Variants in UNC13C observed in about 807,000 individuals in gnomAD.
UNC13C encodes the protein protein unc-13 homolog C.
A neutral mutation model predicts 245.4 loss-of-function variants in UNC13C; 174 were observed. The observed-to-expected ratio is 0.71, with a 90% CI of 0.63 to 0.80. UNC13C has a LOEUF of 0.80. Ranked by LOEUF, UNC13C falls within the 30% of genes least tolerant of loss-of-function variation. The pLI, the probability that UNC13C is intolerant of heterozygous loss-of-function variation, is 0.00. For synonymous variants in UNC13C, 992 were observed against 895.1 expected (o/e 1.11, Z -1.93); for missense variants, 2,829 against 2,602.9 (o/e 1.09, Z -1.89).
chr15:54,147,220 CTTT>C (rs5812743), intron 4 of UNC13C, among the ~76,000 whole-genome samples: 16 of 130,606 alleles, frequency 1.2e-4, no homozygotes, highest in Non-Finnish European at 1.9e-4. Flanking sequence ...ATGAAACTAC[CTTT>C]TTTTTTTTTT....
rs138405335 is a variant in UNC13C at position 54,280,262 on chromosome 15, T to A, written c.3819-13633T>A. ...TTAAATAAATTAGGACACAGTAATATAATGAAATACAATATACTTATTAAA... is the reference window on the plus strand; with the variant it reads ...TTAAATAAATTAGGACACAGTAATAAAATGAAATACAATATACTTATTAAA... On this transcript the variant is annotated intron_variant, in intron 10 of 32. Coordinates refer to ENST00000260323, the MANE Select transcript of UNC13C (RefSeq NM_001080534.3). Among the ~76,000 whole-genome samples, 1,328 of 152,144 alleles carry A rather than the reference T, an allele frequency of 8.7e-3. 24 individuals are homozygous for A. Among genetic ancestry groups the A allele is most frequent in the African/African-American group, 0.031 (1,289 of 41,522 alleles).
chr15:54,421,996 A>G (rs1428449585), intron 19 of UNC13C, among the ~76,000 whole-genome samples: 1 of 152,082 alleles, frequency 6.6e-6, no homozygotes, highest in Non-Finnish European at 1.5e-5. Context: ...GATTTAAATC[A>G]GTGATATGGA....
chr15:54,239,624 C>CA (rs1555435903), intron 7 of UNC13C, among the ~76,000 whole-genome samples: 1 of 148,990 alleles, frequency 6.7e-6, no homozygotes, highest in Non-Finnish European at 1.5e-5. Flanking sequence ...CTAATATTTC[C>CA]TTTTTTTTTT....
chr15:54,487,112 A>G (rs554638871), intron 19 of UNC13C, among the ~76,000 whole-genome samples: 7 of 152,292 alleles, frequency 4.6e-5, no homozygotes, highest in Admixed American at 1.3e-4. Context: ...GATCTAGGCC[A>G]GAATTCTACG....
intron 30 of UNC13C, among the ~76,000 whole-genome samples, chr15:54,610,411 T>A (rs1392507084): frequency 6.6e-6 from 1 of 152,148 alleles, no homozygotes; most frequent in Non-Finnish European, 1.5e-5. Flanking sequence ...ATTTTTTGTA[T>A]TTTTAGTAGA....
chr15:53,959,044 A>G, the UNC13C span, among the ~76,000 whole-genome samples: 3 of 152,142 alleles, frequency 2.0e-5, no homozygotes, highest in African/African-American at 4.8e-5. Context: ...GAGAATGTGA[A>G]ATATTTGTCT....
At chr15:54,629,321 T>TGTCA (rs1369992337), downstream of UNC13C, 2 of 152,130 alleles carry the variant, frequency 1.3e-5, no homozygotes, top group Non-Finnish European at 1.5e-5. Context: ...AAAAAGTATC[T>TGTCA]GTCACGCTAC....
intron 2 of UNC13C, among the ~76,000 whole-genome samples, chr15:54,126,209 C>T (rs758472261): frequency 1.3e-5 from 2 of 151,904 alleles, no homozygotes; most frequent in African/African-American, 4.8e-5. Context: ...AAAAAACATG[C>T]CTCAACTATA....
chr15:53,899,387 C>T, the UNC13C span, among the ~76,000 whole-genome samples: 77 of 152,316 alleles, frequency 5.1e-4, 1 homozygote, highest in South Asian at 0.014. Flanking sequence ...TTCCTTCAAA[C>T]CACTTTCCTT....
intron 17 of UNC13C, among the ~76,000 whole-genome samples, chr15:54,366,419 G>GA (rs1229273131): frequency 6.6e-6 from 1 of 151,752 alleles, no homozygotes; most frequent in African/African-American, 2.4e-5. Flanking sequence ...AAATCCCCAG[G>GA]AAAAAAAGCA....
chr15:54,277,718 C>G (rs957552937), intron 10 of UNC13C, among the ~76,000 whole-genome samples: 3 of 152,058 alleles, frequency 2.0e-5, no homozygotes, highest in African/African-American at 4.8e-5. Flanking sequence ...ATTATTTGTT[C>G]CTTGCTTTGT....
At chr15:54,526,189 A>G (rs538244155) in intron 25 of UNC13C, among the ~76,000 whole-genome samples, 1 of 152,312 alleles carries the variant, frequency 6.6e-6, no homozygotes, top group African/African-American at 2.4e-5. Context: ...ATATATCTAT[A>G]TATTTTAAAT....
chr15:53,843,129 A>T, the UNC13C span, among the ~76,000 whole-genome samples: 3 of 152,084 alleles, frequency 2.0e-5, no homozygotes, highest in Non-Finnish European at 4.4e-5. Flanking sequence ...TGAACAATGA[A>T]TTGGGTCACC....
chr15:54,014,577 G>T lies in UNC13C; in HGVS notation c.1674G>T (p.Gln558His), dbSNP rs754136964. Residue 558 changes from glutamine to histidine, a missense_variant, in exon 2 of 33, where the codon CAG becomes CAT. Coordinates refer to ENST00000260323, the MANE Select transcript of UNC13C (RefSeq NM_001080534.3). Reference sequence around the variant, plus strand: ...AATCAGATTTTTCCAAATTGTGTCAGTCTTACTCAGAAGATTTTTCAGAAA... The same window carrying T: ...AATCAGATTTTTCCAAATTGTGTCATTCTTACTCAGAAGATTTTTCAGAAA... ...RSESDFSKLC[Q>H]SYSEDFSENQ... The T allele has an allele frequency of 1.9e-6, 3 of 1,613,710 alleles. No individual in the cohort carries two copies. Among genetic ancestry groups the T allele is most frequent in the Middle Eastern group, 1.7e-4 (1 of 6,060 alleles).
intron 4 of UNC13C, among the ~76,000 whole-genome samples, chr15:54,157,222 C>T (rs185208899): frequency 1.1e-4 from 16 of 152,296 alleles, no homozygotes; most frequent in African/African-American, 3.8e-4. Flanking sequence ...GGAAAAGACA[C>T]ATGATAATGT....
intron 19 of UNC13C, among the ~76,000 whole-genome samples, chr15:54,490,117 A>T (rs778008849): frequency 3.3e-5 from 5 of 152,174 alleles, no homozygotes; most frequent in African/African-American, 4.8e-5. Context: ...TTTAGAAGCA[A>T]CTTTGTAAGG....
intron 22 of UNC13C, among the ~76,000 whole-genome samples, chr15:54,503,233 G>C (rs1398902148): frequency 1.3e-5 from 2 of 152,080 alleles, no homozygotes; most frequent in Non-Finnish European, 1.5e-5. Context: ...GCATTTTCTG[G>C]AAAAGAAGAA....
chr15:54,389,376 A>G (rs116437341), intron 17 of UNC13C, among the ~76,000 whole-genome samples: 103 of 152,324 alleles, frequency 6.8e-4, no homozygotes, highest in African/African-American at 2.4e-3. Context: ...GACCTACTGA[A>G]TCAGGAACCA....
chr15:54,185,220 T>A (rs1455968674), intron 4 of UNC13C, among the ~76,000 whole-genome samples: 2 of 152,182 alleles, frequency 1.3e-5, no homozygotes, highest in African/African-American at 4.8e-5. Flanking sequence ...TTCTGTAGGT[T>A]GCCTGTTCAC....
Sources: gnomAD v4.1 joint callset for allele counts (sites outside exome capture counted in the v4.1 genomes callset) on GRCh38, gnomAD v4.1.1 for gene constraint, MANE v1.5 for transcripts, NCBI Gene and HGNC (gene_info 2026-07-23, HGNC 2026-07-21) for gene names.